Variants in PRTG observed in about 807,000 individuals in gnomAD.
The protein encoded by PRTG is protogenin, also known as immunoglobulin superfamily, DCC subclass, member 5.
Under a neutral mutation model 122.5 loss-of-function variants are expected in PRTG, and 67 were observed. The ratio of observed to expected loss-of-function variants is 0.55; its 90% CI spans 0.45 to 0.67. The LOEUF (loss-of-function observed/expected upper bound fraction) is 0.67. Ranked by LOEUF, PRTG falls within the 30% of genes least tolerant of loss-of-function variation. The pLI is 0.00. For missense variants in PRTG, 1,435 were observed against 1,415.4 expected (o/e 1.01, Z -0.22); for synonymous variants, 554 against 501.1 (o/e 1.11, Z -1.41).
At chr15:55,706,237 C>G (rs1595666036) in intron 2 of PRTG, among the ~76,000 whole-genome samples, 1 of 151,700 alleles carries the variant, frequency 6.6e-6, no homozygotes, top group East Asian at 1.9e-4. Context: ...AAGTAGAACC[C>G]ACAGGATGCT....
intron 2 of PRTG, among the ~76,000 whole-genome samples, chr15:55,692,579 T>G (rs958266485): frequency 5.9e-5 from 9 of 152,106 alleles, no homozygotes; most frequent in African/African-American, 1.7e-4. Flanking sequence ...ACTGGACATG[T>G]TAAGGCAAAC....
intron 2 of PRTG, among the ~76,000 whole-genome samples, chr15:55,715,955 G>A (rs1386420143): frequency 6.6e-5 from 10 of 152,102 alleles, no homozygotes; most frequent in Admixed American, 2.0e-4. Context: ...CTATTAAAAC[G>A]CCCAACACTT....
At chr15:55,731,691 A>T (rs966731805) in intron 2 of PRTG, among the ~76,000 whole-genome samples, 1 of 152,086 alleles carries the variant, frequency 6.6e-6, no homozygotes, top group Non-Finnish European at 1.5e-5. Context: ...TCTTAATAGC[A>T]ATCGGTGGGA....
chr15:55,636,973 A>C (rs537745399), intron 15 of PRTG, among the ~76,000 whole-genome samples, 197 bp downstream of exon 15: 123 of 152,334 alleles, frequency 8.1e-4, no homozygotes, highest in African/African-American at 2.8e-3. Context: ...CAAAAGTAAC[A>C]GTAACCTTTT....
chr15:55,620,030 G>C lies in PRTG; in HGVS notation c.3435C>G (p.Thr1145=). Residue 1145 remains threonine (T), a synonymous_variant, in exon 20 of 20, where the codon ACC becomes ACG. Coordinates refer to ENST00000389286, the MANE Select transcript of PRTG (RefSeq NM_173814.6). ...DEIHLSSVIS[T]TPPNL is the part of the protein sequence containing the mutation. The stretch of plus-strand genomic sequence containing the variant: ...GAAAGAATCAGAGGTTGGGGGGTGT[G>C]GTACTTATAACTGAGGACAGATGTA... 1 of 1,614,096 alleles carries C rather than the reference G, an allele frequency of 6.2e-7. No individual in the cohort carries two copies.
At chr15:55,711,041 G>C (rs2030362303) in intron 2 of PRTG, among the ~76,000 whole-genome samples, 1 of 151,576 alleles carries the variant, frequency 6.6e-6, no homozygotes, top group Admixed American at 6.6e-5. Flanking sequence ...CGAGTAGCTG[G>C]GATTACAGGC....
chr15:55,671,747 C>A (rs111790773), intron 11 of PRTG, among the ~76,000 whole-genome samples: 1 of 152,090 alleles, frequency 6.6e-6, no homozygotes, highest in Non-Finnish European at 1.5e-5. Flanking sequence ...GAGATCCACC[C>A]GCGTTGGCCT....
chr15:55,619,888 G>A lies in PRTG; in HGVS notation c.*124C>T, dbSNP rs529357432. The A allele has an allele frequency of 2.4e-5, 36 of 1,485,626 alleles. No homozygotes were observed. The highest frequency in any genetic ancestry group is 2.9e-5 in the Non-Finnish European group (32 of 1,105,526). 92.0% of individuals were successfully genotyped at this position (1,485,626 alleles called of 1,614,324 possible). ...AGATTGGAAAATCATTTTTATCAAAGCATAGCATGGCAGATGGCGGCTGCA... is the reference window on the plus strand; with the variant it reads ...AGATTGGAAAATCATTTTTATCAAAACATAGCATGGCAGATGGCGGCTGCA... On this transcript the variant is annotated 3_prime_UTR_variant, in exon 20 of 20. Transcript: ENST00000389286.
chr15:55,704,785 C>A (rs1021618809), intron 2 of PRTG, among the ~76,000 whole-genome samples: 4 of 152,160 alleles, frequency 2.6e-5, no homozygotes, highest in African/African-American at 7.2e-5. Context: ...TCTCTTTCAT[C>A]TTCTCATAGC....
At chr15:55,694,123 T>C (rs1793284006) in intron 2 of PRTG, among the ~76,000 whole-genome samples, 1 of 152,200 alleles carries the variant, frequency 6.6e-6, no homozygotes, top group Admixed American at 6.5e-5. Flanking sequence ...ACTTCAATGA[T>C]GAAATAATGG....
chr15:55,660,073 ATATG>A (rs1466016170), intron 11 of PRTG, among the ~76,000 whole-genome samples: 1 of 152,180 alleles, frequency 6.6e-6, no homozygotes, highest in African/African-American at 2.4e-5. Flanking sequence ...TATAACATAC[ATATG>A]TGTGACCGCC....
At chr15:55,688,645 C>A (rs1215539889) in intron 2 of PRTG, among the ~76,000 whole-genome samples, 2 of 152,154 alleles carry the variant, frequency 1.3e-5, no homozygotes, top group African/African-American at 2.4e-5. Context: ...ACCATCCTGG[C>A]CAACATGGTG....
intron 1 of PRTG, among the ~76,000 whole-genome samples, chr15:55,741,505 C>CAT (rs1291341059): frequency 6.6e-6 from 1 of 152,226 alleles, no homozygotes; most frequent in Non-Finnish European, 1.5e-5. Context: ...TTATCCTAAG[C>CAT]ATATACACAT....
chr15:55,667,622 T>G (rs1414877900), intron 11 of PRTG, among the ~76,000 whole-genome samples: 1 of 152,208 alleles, frequency 6.6e-6, no homozygotes, highest in Admixed American at 6.5e-5. Context: ...AAATATTTAA[T>G]AGTGAAGAAA....
chr15:55,628,744 G>T, intron 16 of PRTG, 78 bp downstream of exon 16: 1 of 1,135,348 alleles, frequency 8.8e-7, no homozygotes, highest in Non-Finnish European at 1.2e-6. Flanking sequence ...TACAGCAATT[G>T]TAGGAGCAGA....
chr15:55,646,369 A>T (rs370659181), intron 11 of PRTG, among the ~76,000 whole-genome samples: 1 of 144,816 alleles, frequency 6.9e-6, no homozygotes, highest in Non-Finnish European at 1.5e-5. Flanking sequence ...GTCGCCCAGG[A>T]TGGAGTGCAG....
chr15:55,635,099 GTGTGTT>G lies in PRTG; in HGVS notation c.2623+2065_2623+2070del, dbSNP rs760859304. Among the ~76,000 whole-genome samples, 626 of 113,564 alleles carry G rather than the reference GTGTGTT, an allele frequency of 5.5e-3. 1 individual carries two copies. The highest frequency in any genetic ancestry group is 6.1e-3 in the Non-Finnish European group (349 of 56,842). 74.5% of individuals were successfully genotyped at this position (113,564 alleles called of 152,430 possible). On this transcript the variant is annotated intron_variant, in intron 15 of 19. Transcript: ENST00000389286. ...GGTGTGTGTGTGTGTGTGTGTGTGT[GTGTGTT>G]TTTTGAGACAGAGTCTCACTCTATC...
intron 2 of PRTG, among the ~76,000 whole-genome samples, chr15:55,730,050 A>G (rs2031175795): frequency 6.6e-6 from 1 of 152,234 alleles, no homozygotes; most frequent in East Asian, 1.9e-4. Flanking sequence ...TGTTGCACAA[A>G]AATGAAAGTC....
rs995653997 is a variant in PRTG, at chr15:55,612,137, T to TCA, written c.*7873_*7874dup. 5.6e-4 allele frequency: 86 copies of TCA among 152,268 alleles called. No individual in the cohort carries two copies. Among genetic ancestry groups the TCA allele is most frequent in the African/African-American group, 2.0e-3 (84 of 41,578 alleles). The allele number at this position is 152,268 out of a possible 1,614,324, so 9.4% of individuals were successfully genotyped here. A position where few individuals can be genotyped will look rare whatever the true frequency, so the allele number is the denominator to read the frequency against. On this transcript the variant is annotated 3_prime_UTR_variant, in exon 20 of 20. Transcript: ENST00000389286. ...ATAGGCTAAGGCAATGTGTGTGTAT[T>TCA]CAGGCTTTGCAATTTCCTATTAACA...
Sources: allele counts gnomAD v4.1 joint callset (sites outside exome capture counted in the v4.1 genomes callset), GRCh38; gene constraint gnomAD v4.1.1; transcripts MANE v1.5; gene names NCBI Gene and HGNC (gene_info 2026-07-23, HGNC 2026-07-21).